Variants in SPATA13 observed in about 807,000 individuals in gnomAD.
The protein encoded by SPATA13 is spermatogenesis associated 13, also known as spermatogenesis-associated protein 13.
A neutral mutation model predicts 104.0 loss-of-function variants in SPATA13; 50 were observed. The observed-to-expected ratio is 0.48, with a 90% CI of 0.38 to 0.61. The LOEUF (loss-of-function observed/expected upper bound fraction) is 0.61. SPATA13 is among the 20% of genes least tolerant of loss of function. SPATA13 has a pLI of 0.00. For missense variants in SPATA13, 1,524 were observed against 1,690.6 expected, an observed-to-expected ratio of 0.90 and a Z score of 1.73; for synonymous variants, 606 against 667.5, an observed-to-expected ratio of 0.91 and a Z score of 1.42.
At chr13:24,080,433 T>C (rs138588365) in intron 3 of SPATA13, among the ~76,000 whole-genome samples, 1 of 152,196 alleles carries the variant, frequency 6.6e-6, no homozygotes, top group Non-Finnish European at 1.5e-5. Flanking sequence ...CACCATCACA[T>C]GCATCATCAC....
At chr13:24,064,251 C>A (rs1291082444) in intron 3 of SPATA13, among the ~76,000 whole-genome samples, 1 of 152,154 alleles carries the variant, frequency 6.6e-6, no homozygotes, top group South Asian at 2.1e-4. Flanking sequence ...ACTAGAATGG[C>A]TACAGTCTCC....
chr13:24,256,449 A>C (rs1008227323), intron 4 of SPATA13, among the ~76,000 whole-genome samples: 1 of 152,218 alleles, frequency 6.6e-6, no homozygotes, highest in Non-Finnish European at 1.5e-5. Context: ...TGTACCCCAT[A>C]AATATTGTAC....
At chr13:24,160,987 A>G (rs1566126319) in intron 1 of SPATA13, 55 bp downstream of exon 1, 2 of 951,220 alleles carry the variant, frequency 2.1e-6, no homozygotes. Context: ...ATGGGCTGTT[A>G]GGTAGAATAT....
At chr13:24,125,922 T>C (rs1881198823) in intron 3 of SPATA13, among the ~76,000 whole-genome samples, 1 of 152,210 alleles carries the variant, frequency 6.6e-6, no homozygotes, top group African/African-American at 2.4e-5. Flanking sequence ...GGATTTCAAA[T>C]GTTCCCTATT....
intron 3 of SPATA13, among the ~76,000 whole-genome samples, chr13:24,064,839 A>G (rs759413032): frequency 3.9e-5 from 6 of 152,192 alleles, no homozygotes; most frequent in African/African-American, 7.2e-5. Flanking sequence ...CCTGTGGGGT[A>G]GGTATTTTTT....
Position 24,160,923 on chromosome 13 carries a change from G to T in SPATA13, c.-121G>T. ...GACTTTGTAGGCTCCGCCAAGAGGC[G>T]CCGCAGGAGGTAAGACGGCTTCGGG... On this transcript the variant is annotated 5_prime_UTR_variant, in exon 1 of 13. Coordinates refer to ENST00000382108, the MANE Select transcript of SPATA13 (RefSeq NM_001166271.3). 2.0e-6 allele frequency: 2 copies of T among 985,728 alleles called. No homozygotes were observed. The highest frequency in any genetic ancestry group is 3.5e-5 in the African/African-American group (2 of 57,360). 61.1% of individuals were successfully genotyped at this position (985,728 alleles called of 1,614,324 possible). A position where few individuals can be genotyped will look rare whatever the true frequency, so the allele number is the denominator to read the frequency against.
At chr13:24,092,967 A>T (rs1879957052) in intron 3 of SPATA13, among the ~76,000 whole-genome samples, 1 of 152,202 alleles carries the variant, frequency 6.6e-6, no homozygotes, top group Non-Finnish European at 1.5e-5. Context: ...ATTTTCTTAC[A>T]CAGAGAATCT....
intron 1 of SPATA13, among the ~76,000 whole-genome samples, chr13:24,207,010 T>G (rs1275643282): frequency 6.6e-6 from 1 of 152,168 alleles, no homozygotes; most frequent in African/African-American, 2.4e-5. Context: ...AAAAGTGGTA[T>G]GTATACACCA....
chr13:24,104,562 G>A (rs548185583), intron 3 of SPATA13, among the ~76,000 whole-genome samples: 12 of 152,236 alleles, frequency 7.9e-5, no homozygotes, highest in Admixed American at 3.3e-4. Flanking sequence ...AGAGCTCCTC[G>A]GAAAGAAGCC....
chr13:24,183,793 G>A lies in SPATA13; in HGVS notation c.-112+22861G>A, dbSNP rs1168706226. On this transcript the variant is annotated intron_variant, in intron 1 of 12. Coordinates refer to ENST00000382108, the MANE Select transcript of SPATA13 (RefSeq NM_001166271.3). ...GCACTCCTGGGGTGAGAAGGGGGCGGGGTGAGCAGGACTCTTCTCTGTGCT... is the reference window on the plus strand; with the variant it reads ...GCACTCCTGGGGTGAGAAGGGGGCGAGGTGAGCAGGACTCTTCTCTGTGCT... Among the ~76,000 whole-genome samples, 4 of 152,026 alleles carry A rather than the reference G, an allele frequency of 2.6e-5. 1 individual carries two copies. Among genetic ancestry groups the A allele is most frequent in the African/African-American group, 7.2e-5 (3 of 41,380 alleles).
intron 8 of SPATA13, among the ~76,000 whole-genome samples, chr13:24,289,641 T>C (rs1876194895): frequency 6.6e-6 from 1 of 152,158 alleles, no homozygotes; most frequent in South Asian, 2.1e-4. Context: ...CAAGACCACA[T>C]ACCAGTAAGA....
At chr13:23,988,085 A>T (rs181229003) in intron 2 of SPATA13, among the ~76,000 whole-genome samples, 50 of 152,084 alleles carry the variant, frequency 3.3e-4, no homozygotes, top group African/African-American at 1.1e-3. Flanking sequence ...CTGGGATTAC[A>T]GGCACCTACC....
intron 1 of SPATA13, among the ~76,000 whole-genome samples, chr13:23,982,492 A>C (rs1874947376): frequency 6.6e-6 from 1 of 152,192 alleles, no homozygotes; most frequent in African/African-American, 2.4e-5. Flanking sequence ...ACTTTACCGG[A>C]CTGATGAAAA....
At chr13:24,065,220 G>A (rs1347706314) in intron 3 of SPATA13, among the ~76,000 whole-genome samples, 3 of 152,130 alleles carry the variant, frequency 2.0e-5, no homozygotes, top group Non-Finnish European at 4.4e-5. Flanking sequence ...CTTTTCAGGT[G>A]GTCATTGGGC....
Position 23,983,905 on chromosome 13 carries a change from T to C in SPATA13, c.-175T>C, listed in dbSNP as rs1875028093. On this transcript the variant is annotated 5_prime_UTR_variant, in exon 2 of 15. Transcript: ENST00000424834. ...GCAACACCGTGCAGATGGCAAAGCG[T>C]AGGCCTCACAAACATCCTGGCCGTG... The C allele has an allele frequency of 4.1e-6, 4 of 985,354 alleles. No homozygotes were observed. In the South Asian group the frequency reaches 1.4e-4, roughly 35 times the overall value. The allele number at this position is 985,354 out of a possible 1,614,324, so 61.0% of individuals were successfully genotyped here. A position where few individuals can be genotyped will look rare whatever the true frequency, so the allele number is the denominator to read the frequency against.
chr13:24,169,015 T>C (rs1882855900), intron 1 of SPATA13, among the ~76,000 whole-genome samples: 1 of 152,234 alleles, frequency 6.6e-6, no homozygotes. Context: ...CAATACATTT[T>C]ACTTTTCTAA....
intron 4 of SPATA13, among the ~76,000 whole-genome samples, chr13:24,258,908 C>G (rs116295907): frequency 6.6e-6 from 1 of 152,330 alleles, no homozygotes; most frequent in Admixed American, 6.5e-5. Context: ...CTCAGGTCCA[C>G]GTCAGGAGCT....
intron 2 of SPATA13, among the ~76,000 whole-genome samples, chr13:24,002,147 A>T (rs866840283): frequency 5.9e-5 from 9 of 152,206 alleles, no homozygotes; most frequent in Middle Eastern, 3.4e-3. Context: ...GCAGTGTCAT[A>T]GCTTTTGACC....
intron 11 of SPATA13, 56 bp downstream of exon 11, chr13:24,297,791 A>G: frequency 6.4e-7 from 1 of 1,552,930 alleles, no homozygotes; most frequent in Non-Finnish European, 8.7e-7. Context: ...TAATAGCTTC[A>G]TTCTCCACTC....
Sources: allele counts gnomAD v4.1 joint callset (sites outside exome capture counted in the v4.1 genomes callset), GRCh38; gene constraint gnomAD v4.1.1; transcripts MANE v1.5; gene names NCBI Gene and HGNC (gene_info 2026-07-23, HGNC 2026-07-21).